The following IPCEF1 variants were observed in gnomAD, a reference collection of about 807,000 sequenced individuals.
IPCEF1 encodes interaction protein for cytohesin exchange factors 1.
A neutral mutation model predicts 50.9 loss-of-function variants in IPCEF1; 31 were observed. That is an observed-to-expected ratio of 0.61 (90% CI 0.46 to 0.82). IPCEF1 has a LOEUF of 0.82. Among genes scored for constraint, IPCEF1 ranks in the 40% least tolerant of loss-of-function variants. The pLI, the probability that IPCEF1 is intolerant of heterozygous loss-of-function variation, is 0.00. For synonymous variants in IPCEF1, 181 were observed against 192.0 expected (o/e 0.94, Z 0.47); for missense variants, 458 against 514.0 (o/e 0.89, Z 1.05).
chr6:154,318,882 C>T (rs1783299426), intron 1 of IPCEF1, among the ~76,000 whole-genome samples: 1 of 152,158 alleles, frequency 6.6e-6, no homozygotes, highest in Non-Finnish European at 1.5e-5. Flanking sequence ...GCCACGTTAG[C>T]CAACCTATGT....
intron 5 of IPCEF1, among the ~76,000 whole-genome samples, chr6:154,229,554 C>T (rs887596404): frequency 2.6e-5 from 4 of 151,400 alleles, no homozygotes; most frequent in Non-Finnish European, 4.4e-5. Flanking sequence ...AGATGGGGTT[C>T]GCCGTGTTAG....
intron 10 of IPCEF1, among the ~76,000 whole-genome samples, chr6:154,172,660 T>C (rs1799970816): frequency 6.6e-6 from 1 of 152,198 alleles, no homozygotes; most frequent in South Asian, 2.1e-4. Context: ...GCAGGGAAGC[T>C]CGAACTGGGC....
At chr6:154,322,295 T>C (rs1029649323) in intron 1 of IPCEF1, among the ~76,000 whole-genome samples, 13 of 151,850 alleles carry the variant, frequency 8.6e-5, no homozygotes, top group Admixed American at 2.0e-4. Context: ...GGCAGGAGAA[T>C]CACTTCAGGC....
rs190737634 is a variant in IPCEF1, at chr6:154,209,540, G to A, written c.537+3230C>T. 2.3e-3 allele frequency among the ~76,000 whole-genome samples: 347 copies of A among 151,926 alleles called. 2 individuals carry two copies. The highest frequency in any genetic ancestry group is 7.7e-3 in the African/African-American group (319 of 41,424). ...TGCACACCTGTAGTCCCAGCTACTC[G>A]GGGGGCCGAGGTGGGAGGATGACCT... On this transcript the variant is annotated intron_variant, in intron 9 of 11. Coordinates refer to ENST00000367220, the MANE Select transcript of IPCEF1 (RefSeq NM_001130700.2).
Position 154,159,897 on chromosome 6 carries a change from A to T in IPCEF1, c.1248T>A (p.Asp416Glu). 6.2e-7 allele frequency: 1 copy of T among 1,613,952 alleles called. No homozygotes were observed. Among genetic ancestry groups the T allele is most frequent in the Non-Finnish European group, 8.5e-7 (1 of 1,179,992 alleles). Residue 416 changes from aspartate (D) to glutamate (E), a missense_variant, in exon 12 of 12, where the codon GAT (aspartate) becomes GAA (glutamate). Physicochemically the swap from Asp to Glu is conservative, Grantham distance 45. Coordinates refer to ENST00000367220, the MANE Select transcript of IPCEF1 (RefSeq NM_001130700.2). The part of the protein sequence containing the change: ...YQQQRASPAP[D>E]DTDDTPQELK... ...GTTCCTGGGGGGTGTCATCAGTGTC[A>T]TCAGGGGCAGGCGAAGCCCGCTGCT... is the stretch of plus-strand genomic sequence containing the variant.
intron 1 of IPCEF1, among the ~76,000 whole-genome samples, chr6:154,298,844 C>T (rs1242190289): frequency 6.6e-6 from 1 of 151,986 alleles, no homozygotes; most frequent in Non-Finnish European, 1.5e-5. Context: ...TGCCTGTAAT[C>T]CCAAGTACTT....
intron 1 of IPCEF1, among the ~76,000 whole-genome samples, chr6:154,290,315 A>G (rs1182088308): frequency 6.6e-6 from 1 of 152,192 alleles, no homozygotes; most frequent in Non-Finnish European, 1.5e-5. Context: ...GCCATTGCAC[A>G]TGCGGAAAGC....
At chr6:154,242,545 A>G (rs1780679760) in intron 5 of IPCEF1, among the ~76,000 whole-genome samples, 2 of 152,204 alleles carry the variant, frequency 1.3e-5, no homozygotes, top group Admixed American at 6.5e-5. Context: ...TATGGAAAAC[A>G]GCAAGTCTGA....
chr6:154,336,939 G>C (rs1261842709), intron 1 of IPCEF1, among the ~76,000 whole-genome samples: 1 of 152,106 alleles, frequency 6.6e-6, no homozygotes, highest in Non-Finnish European at 1.5e-5. Context: ...TAGCAGAGTA[G>C]AGTGACTATA....
chr6:154,237,467 C>T lies in IPCEF1; in HGVS notation c.246+9124G>A, dbSNP rs552431344. On this transcript the variant is annotated intron_variant, in intron 5 of 11. Transcript: ENST00000367220. ...TCCTGGTATCTGAAAATTCCTAGCACAATTCTCCTGCATCCTAAAATCTCA... is the reference window on the plus strand; with the variant it reads ...TCCTGGTATCTGAAAATTCCTAGCATAATTCTCCTGCATCCTAAAATCTCA... Among the ~76,000 whole-genome samples the T allele has an allele frequency of 2.6e-5, 4 of 152,328 alleles. No homozygotes were observed. The East Asian group carries it at 7.7e-4, about 29-fold the overall frequency.
intron 2 of IPCEF1, among the ~76,000 whole-genome samples, chr6:154,270,490 T>C (rs1781874230): frequency 6.6e-6 from 1 of 152,224 alleles, no homozygotes; most frequent in Non-Finnish European, 1.5e-5. Context: ...ATGTCTCATC[T>C]ATCTAAGTAC....
chr6:154,212,333 A>T (rs935736915), intron 9 of IPCEF1, among the ~76,000 whole-genome samples: 1 of 152,144 alleles, frequency 6.6e-6, no homozygotes, highest in Non-Finnish European at 1.5e-5. Context: ...CCCACTCCTG[A>T]CTTCCTGCTC....
chr6:154,271,437 C>A (rs1212376100), intron 2 of IPCEF1, among the ~76,000 whole-genome samples: 2 of 151,542 alleles, frequency 1.3e-5, no homozygotes, highest in African/African-American at 4.9e-5. Flanking sequence ...GAAAAGAAAA[C>A]AATGTAAAAT....
chr6:154,301,553 G>A lies in IPCEF1; in HGVS notation c.-61-11797C>T, dbSNP rs183240754. Among the ~76,000 whole-genome samples the A allele has an allele frequency of 8.5e-5, 13 of 152,260 alleles. No individual in the cohort carries two copies. The East Asian group carries it at 2.3e-3, about 27-fold the overall frequency. On this transcript the variant is annotated intron_variant, in intron 1 of 11. Transcript: ENST00000367220. ...TAGGAACACTTAAATCCAACTGGCT[G>A]GTTCTCAATCCGTGTCAAAGGCTCA...
chr6:154,246,749 T>C lies in IPCEF1; in HGVS notation c.88A>G (p.Met30Val). ...TTACACGATATCCTCCTCCGACTCA[T>C]CGTGAGAAAACCTGCAATGATTACA... Reference protein sequence around the residue: ...PRRKTQGFLTMSRRRISCKDL... With the variant: ...PRRKTQGFLTVSRRRISCKDL... The change falls in exon 5 of 12, where the codon ATG becomes GTG. Residue 30 changes from methionine to valine, a missense_variant. Coordinates refer to ENST00000367220, the MANE Select transcript of IPCEF1 (RefSeq NM_001130700.2). 1 of 1,613,892 alleles carries C rather than the reference T, an allele frequency of 6.2e-7. No individual in the cohort carries two copies. Among genetic ancestry groups the C allele is most frequent in the Non-Finnish European group, 8.5e-7 (1 of 1,179,884 alleles).
intron 1 of IPCEF1, among the ~76,000 whole-genome samples, chr6:154,351,290 C>T (rs571440758): frequency 2.6e-5 from 4 of 152,294 alleles, no homozygotes; most frequent in African/African-American, 7.2e-5. Context: ...TTTGTGGTGA[C>T]GGAACAGTCA....
intron 1 of IPCEF1, among the ~76,000 whole-genome samples, chr6:154,321,778 T>TAAAAAAA (rs61648946): frequency 2.9e-4 from 15 of 51,932 alleles, no homozygotes; most frequent in Non-Finnish European, 4.2e-4. Context: ...AGACTCTTTC[T>TAAAAAAA]AAAAAAAAAA....
At chr6:154,308,314 T>G (rs1031633451) in intron 1 of IPCEF1, among the ~76,000 whole-genome samples, 5 of 152,092 alleles carry the variant, frequency 3.3e-5, no homozygotes, top group African/African-American at 9.7e-5. Context: ...TGTTTTGTTT[T>G]TTTTCGCAGT....
intron 2 of IPCEF1, among the ~76,000 whole-genome samples, chr6:154,277,601 T>C (rs934107648): frequency 6.6e-6 from 1 of 152,172 alleles, no homozygotes; most frequent in Non-Finnish European, 1.5e-5. Flanking sequence ...AAAGAAAATG[T>C]TCTATTTGTT....
Sources: gnomAD v4.1 joint callset for allele counts (sites outside exome capture counted in the v4.1 genomes callset) on GRCh38, gnomAD v4.1.1 for gene constraint, MANE v1.5 for transcripts, NCBI Gene and HGNC (gene_info 2026-07-23, HGNC 2026-07-21) for gene names.